The following CHN1 variants were observed in gnomAD, a reference collection of about 807,000 sequenced individuals.
CHN1 encodes the protein chimerin 1.
A neutral mutation model predicts 59.5 loss-of-function variants in CHN1; 37 were observed. That is an observed-to-expected ratio of 0.62 (90% CI 0.48 to 0.82). The LOEUF is 0.82. CHN1 is among the 40% of genes least tolerant of loss of function. The pLI is 0.00. For missense variants in CHN1, 469 were observed against 571.0 expected, an observed-to-expected ratio of 0.82 and a Z score of 1.82; for synonymous variants, 206 against 200.4, an observed-to-expected ratio of 1.03 and a Z score of -0.24.
intron 11 of CHN1, among the ~76,000 whole-genome samples, chr2:174,807,331 G>A (rs1436910797): frequency 6.6e-6 from 1 of 152,140 alleles, no homozygotes; most frequent in East Asian, 1.9e-4. Context: ...CCCAGAGTTA[G>A]GCATAGAGCC....
At chr2:174,846,492 A>C (rs897985297) in intron 7 of CHN1, 6 of 1,436,886 alleles carry the variant, frequency 4.2e-6, no homozygotes, top group Non-Finnish European at 5.5e-6. Flanking sequence ...CATGCCTCTT[A>C]TATCCAAAGC....
chr2:174,914,842 CAAAAAAAAAA>C (rs577375465), intron 5 of CHN1, among the ~76,000 whole-genome samples: 10 of 100,086 alleles, frequency 1.0e-4, no homozygotes, highest in Non-Finnish European at 1.8e-4. Context: ...AGATTCCATT[CAAAAAAAAAA>C]AAAAAAAAAG....
chr2:174,949,548 A>T (rs1171771586), intron 2 of CHN1, among the ~76,000 whole-genome samples: 2 of 152,098 alleles, frequency 1.3e-5, no homozygotes, highest in African/African-American at 4.8e-5. Flanking sequence ...ATTTTTTGGT[A>T]GAGATGGGAT....
At chr2:174,812,623 G>GA (rs768087882) in intron 8 of CHN1, 141 bp from the exon 9 acceptor site, 20 of 664,584 alleles carry the variant, frequency 3.0e-5, no homozygotes, top group Non-Finnish European at 4.4e-5. Flanking sequence ...TTTCTTGGTG[G>GA]AAAAACAATA....
At chr2:174,896,328 T>C (rs780868273) in intron 5 of CHN1, among the ~76,000 whole-genome samples, 6 of 152,106 alleles carry the variant, frequency 3.9e-5, no homozygotes, top group Non-Finnish European at 8.8e-5. Flanking sequence ...TGTATTCTCC[T>C]CCCTCTTCTT....
Position 174,957,965 on chromosome 2 carries a change from G to C in CHN1, c.20-5763C>G, listed in dbSNP as rs139558123. Among the ~76,000 whole-genome samples the C allele has an allele frequency of 5.3e-5, 8 of 152,228 alleles. 1 individual carries two copies. In the East Asian group the frequency reaches 1.5e-3, roughly 29 times the overall value. Reference sequence around the variant, plus strand: ...ATGAAAGCTCTGAACACCGAGGCCGGGAGAGCTTCTCTGGTTGGAAATATC... The same window carrying C: ...ATGAAAGCTCTGAACACCGAGGCCGCGAGAGCTTCTCTGGTTGGAAATATC... On this transcript the variant is annotated intron_variant, in intron 1 of 12. Coordinates refer to ENST00000409900, the MANE Select transcript of CHN1 (RefSeq NM_001822.7).
At chr2:174,954,988 C>T (rs920040769) in intron 1 of CHN1, among the ~76,000 whole-genome samples, 13 of 151,780 alleles carry the variant, frequency 8.6e-5, no homozygotes, top group African/African-American at 2.2e-4. Context: ...CACTTGCACA[C>T]GCATGTTTAT....
intron 5 of CHN1, among the ~76,000 whole-genome samples, chr2:174,911,918 C>T (rs1369571837): frequency 6.6e-6 from 1 of 152,150 alleles, no homozygotes; most frequent in Non-Finnish European, 1.5e-5. Flanking sequence ...GACCCACAGA[C>T]ATTTCTTAGG....
At chr2:174,926,345 G>A (rs1289387373) in intron 3 of CHN1, among the ~76,000 whole-genome samples, 1 of 151,974 alleles carries the variant, frequency 6.6e-6, no homozygotes, top group Non-Finnish European at 1.5e-5. Context: ...GGGACTACAG[G>A]CACATGCCAC....
intron 10 of CHN1, chr2:174,811,163 C>G (rs1685060677): frequency 6.2e-6 from 1 of 160,826 alleles, no homozygotes; most frequent in Admixed American, 6.4e-5. Flanking sequence ...GGTGGGTTAA[C>G]TCAAGCCTGA....
chr2:174,932,777 T>A (rs539676581), intron 3 of CHN1, among the ~76,000 whole-genome samples: 4 of 152,306 alleles, frequency 2.6e-5, no homozygotes, highest in Non-Finnish European at 5.9e-5. Flanking sequence ...GCTATGGCCA[T>A]GTGAAGATGC....
intron 1 of CHN1, among the ~76,000 whole-genome samples, chr2:174,973,327 T>C (rs986152878): frequency 3.3e-5 from 5 of 152,204 alleles, no homozygotes; most frequent in Admixed American, 6.5e-5. Flanking sequence ...GTGTTTTAGA[T>C]GCCACAGAGC....
Position 174,923,530 on chromosome 2 carries a change from TCA to T in CHN1, c.115-4967_115-4966del, listed in dbSNP as rs566140762. On this transcript the variant is annotated intron_variant, in intron 3 of 12. Coordinates refer to ENST00000409900, the MANE Select transcript of CHN1 (RefSeq NM_001822.7). ...GGTCCCCCAACATTTTGAGAAGAGATCACGACCTTTCCTTCAAATCATGAGAT... is the reference window on the plus strand; with the variant it reads ...GGTCCCCCAACATTTTGAGAAGAGATCGACCTTTCCTTCAAATCATGAGAT... Among the ~76,000 whole-genome samples the T allele has an allele frequency of 5.1e-3, 782 of 152,290 alleles. 8 individuals are homozygous for T. The highest frequency in any genetic ancestry group is 0.018 in the African/African-American group (744 of 41,564).
chr2:174,863,104 G>A (rs1282563268), intron 6 of CHN1, among the ~76,000 whole-genome samples: 1 of 152,152 alleles, frequency 6.6e-6, no homozygotes, highest in Non-Finnish European at 1.5e-5. Context: ...CTACTTCAAT[G>A]AGTTATCTGG....
chr2:174,847,503 T>C (rs1686565993), intron 6 of CHN1: 2 of 1,190,672 alleles, frequency 1.7e-6, no homozygotes, highest in African/African-American at 1.6e-5. Flanking sequence ...CTTTCTTCTC[T>C]ATTCAAGATA....
chr2:174,952,761 T>C (rs1690062493), intron 1 of CHN1, among the ~76,000 whole-genome samples: 1 of 152,238 alleles, frequency 6.6e-6, no homozygotes, highest in South Asian at 2.1e-4. Flanking sequence ...GAGAAACACT[T>C]CAATGGAAGA....
At chr2:174,917,009 T>C (rs1688865960) in intron 4 of CHN1, among the ~76,000 whole-genome samples, 1 of 152,142 alleles carries the variant, frequency 6.6e-6, no homozygotes, top group African/African-American at 2.4e-5. Context: ...CTGGCCAACA[T>C]GGTGAAACCC....
At chr2:174,842,901 T>C (rs1393020685) in intron 7 of CHN1, among the ~76,000 whole-genome samples, 1 of 152,236 alleles carries the variant, frequency 6.6e-6, no homozygotes, top group African/African-American at 2.4e-5. Flanking sequence ...TAATACAATA[T>C]CTTATATCTT....
intron 8 of CHN1, among the ~76,000 whole-genome samples, chr2:174,817,645 T>C (rs967111423): frequency 6.7e-6 from 1 of 149,398 alleles, no homozygotes; most frequent in African/African-American, 2.4e-5. Context: ...TTTCTTTTTT[T>C]TTTTTTTTTT....
Sources: gnomAD v4.1 joint callset for allele counts (sites outside exome capture counted in the v4.1 genomes callset) on GRCh38, gnomAD v4.1.1 for gene constraint, MANE v1.5 for transcripts, NCBI Gene and HGNC (gene_info 2026-07-23, HGNC 2026-07-21) for gene names.